SEMA4F: variants seen among roughly 807,000 people sequenced by gnomAD.
The protein encoded by SEMA4F is semaphorin-4F.
A neutral mutation model predicts 78.4 loss-of-function variants in SEMA4F; 51 were observed. The ratio of observed to expected loss-of-function variants is 0.65; its 90% CI spans 0.52 to 0.82. The LOEUF is 0.82. Among genes scored for constraint, SEMA4F ranks in the 40% least tolerant of loss-of-function variants. The pLI, the probability that SEMA4F is intolerant of heterozygous loss-of-function variation, is 0.00. For synonymous variants in SEMA4F, 418 were observed against 408.7 expected, an observed-to-expected ratio of 1.02 and a Z score of -0.27; for missense variants, 938 against 1,014.4, an observed-to-expected ratio of 0.92 and a Z score of 1.02.
At chr2:74,662,372 A>G (rs1684472796) in intron 4 of SEMA4F, among the ~76,000 whole-genome samples, 1 of 152,238 alleles carries the variant, frequency 6.6e-6, no homozygotes, top group African/African-American at 2.4e-5. Context: ...CATATTCTCC[A>G]GCCAGTTACA....
chr2:74,699,693 A>G, the SEMA4F span, among the ~76,000 whole-genome samples: 1 of 152,194 alleles, frequency 6.6e-6, no homozygotes, highest in East Asian at 1.9e-4. Context: ...GGAGCATACA[A>G]GAGACATGGA....
At chr2:74,679,396 G>A (rs1016108941) in intron 13 of SEMA4F, 62 bp downstream of exon 13, 1 of 1,511,528 alleles carries the variant, frequency 6.6e-7, no homozygotes, top group East Asian at 2.3e-5. Context: ...GGGCTAGAGA[G>A]TTGTTCATTT....
At position 74,674,542 on chromosome 2, in the gene SEMA4F, G is replaced by A. The variant is rs183059394; in HGVS notation, c.867G>A (p.Thr289=). The A allele has an allele frequency of 7.0e-5, 113 of 1,614,074 alleles. No individual in the cohort carries two copies. The highest frequency in any genetic ancestry group is 3.0e-4 in the Admixed American group (18 of 60,010). ...AGACCCTCCAGCAGAGATGGACGACGTTTTTGAAAGCTGACCTGCTCTGTC... is the reference window on the plus strand; with the variant it reads ...AGACCCTCCAGCAGAGATGGACGACATTTTTGAAAGCTGACCTGCTCTGTC... ...GRKTLQQRWT[T]FLKADLLCPG... The change falls in exon 8 of 14, where the codon ACG becomes ACA. Residue 289 remains threonine (T), a synonymous_variant. Transcript: ENST00000357877.
downstream of SEMA4F, among the ~76,000 whole-genome samples, chr2:74,685,921 A>G (rs1044516413): frequency 6.6e-6 from 1 of 152,194 alleles, no homozygotes; most frequent in Non-Finnish European, 1.5e-5. Flanking sequence ...ACCCTTCTCA[A>G]AAGAAGACAT....
rs1472174955 is a variant in SEMA4F, at chr2:74,679,975, G to A, written c.2079G>A (p.Leu693=). The A allele has an allele frequency of 6.2e-7, 1 of 1,614,094 alleles. No homozygotes were observed. The highest frequency in any genetic ancestry group is 8.5e-7 in the Non-Finnish European group (1 of 1,180,052). The change falls in exon 14 of 14, where the codon CTG becomes CTA. Residue 693 remains leucine, a synonymous_variant. Transcript: ENST00000357877. ...RQQRRRQREL[L]ARDKVGLDLG... is the part of the protein sequence containing the mutation. ...AGCGACGGCGACAGAGGGAACTTCT[G>A]GCTAGAGACAAGGTGGGCCTGGACC...
At chr2:74,654,544 C>CTG in intron 1 of SEMA4F, 23 bp downstream of exon 1, 1 of 1,526,780 alleles carries the variant, frequency 6.5e-7, no homozygotes, top group South Asian at 1.2e-5. Flanking sequence ...CGCCCACGCC[C>CTG]TCAGCCCTTC....
intron 5 of SEMA4F, among the ~76,000 whole-genome samples, chr2:74,666,890 G>A (rs910080870): frequency 1.3e-5 from 2 of 152,146 alleles, no homozygotes; most frequent in Non-Finnish European, 2.9e-5. Context: ...ATTACAATGT[G>A]CATTGTAGAA....
At chr2:74,662,363 A>G (rs1017861356) in intron 4 of SEMA4F, among the ~76,000 whole-genome samples, 1 of 152,124 alleles carries the variant, frequency 6.6e-6, no homozygotes, top group African/African-American at 2.4e-5. Flanking sequence ...GTCATGTAGC[A>G]TATTCTCCAG....
At chr2:74,686,496 A>G (rs1175487009), downstream of SEMA4F, among the ~76,000 whole-genome samples, 2 of 152,224 alleles carry the variant, frequency 1.3e-5, no homozygotes, top group African/African-American at 2.4e-5. Context: ...TAGAATTAGA[A>G]GTACCATTTG....
the SEMA4F span, among the ~76,000 whole-genome samples, chr2:74,697,154 G>T: frequency 6.6e-6 from 1 of 152,216 alleles, no homozygotes; most frequent in African/African-American, 2.4e-5. Context: ...GTTAGCCCTT[G>T]CTGGAGATCT....
rs931233902 is a variant in SEMA4F at position 74,682,948 on chromosome 2, C to T, written c.*2739C>T. The T allele has an allele frequency of 8.5e-5, 13 of 152,354 alleles. No homozygotes were observed. The highest frequency in any genetic ancestry group is 1.3e-4 in the Non-Finnish European group (9 of 68,172). 9.4% of individuals were successfully genotyped at this position (152,354 alleles called of 1,614,324 possible). The stretch of plus-strand genomic sequence containing the variant: ...TCTGCCTACCCTGCCTCAGTCATTC[C>T]TTCCAATGGAAACCACAATAAGCAC... On this transcript the variant is annotated 3_prime_UTR_variant, in exon 14 of 14. Coordinates refer to ENST00000357877, the MANE Select transcript of SEMA4F (RefSeq NM_004263.5).
At chr2:74,679,386 G>A (rs757382844) in intron 13 of SEMA4F, 52 bp downstream of exon 13, 12 of 1,520,578 alleles carry the variant, frequency 7.9e-6, no homozygotes, top group Non-Finnish European at 1.1e-5. Context: ...GGATGGAAAG[G>A]GGCTAGAGAG....
chr2:74,679,515 T>C, intron 13 of SEMA4F, 84 bp from the exon 14 acceptor site: 12 of 1,537,444 alleles, frequency 7.8e-6, no homozygotes, highest in Non-Finnish European at 1.1e-5. Context: ...CCCCTTTTCA[T>C]GTCCGACATC....
downstream of SEMA4F, among the ~76,000 whole-genome samples, chr2:74,688,101 G>T (rs1685856926): frequency 6.6e-6 from 1 of 152,188 alleles, no homozygotes; most frequent in South Asian, 2.1e-4. Flanking sequence ...TGAAACTGAG[G>T]CTCGAAGGAG....
At chr2:74,676,780 C>T (rs180842491) in intron 12 of SEMA4F, among the ~76,000 whole-genome samples, 1 of 152,282 alleles carries the variant, frequency 6.6e-6, no homozygotes, top group Non-Finnish European at 1.5e-5. Flanking sequence ...TGGGCTCCTA[C>T]CATCCATTTT....
the SEMA4F span, among the ~76,000 whole-genome samples, chr2:74,704,615 A>C: frequency 6.6e-6 from 1 of 152,028 alleles, no homozygotes; most frequent in Admixed American, 6.6e-5. Context: ...AGATGAGGAA[A>C]AGTAATTATT....
At chr2:74,662,680 C>T in intron 4 of SEMA4F, 52 bp from the exon 5 acceptor site, 1 of 1,451,172 alleles carries the variant, frequency 6.9e-7, no homozygotes, top group Non-Finnish European at 9.7e-7. Context: ...GTAATTCTCA[C>T]CATGAACCTT....
rs1385602856 is a variant in SEMA4F at position 74,683,491 on chromosome 2, G to A, written c.*3282G>A. On this transcript the variant is annotated 3_prime_UTR_variant, in exon 14 of 14. Transcript: ENST00000357877. Reference sequence around the variant, plus strand: ...TTTCTTTTGAGTGATGTAGACCTATGCCCTGCTTCCATGCCACTTCCTCAG... The same window carrying A: ...TTTCTTTTGAGTGATGTAGACCTATACCCTGCTTCCATGCCACTTCCTCAG... 6.6e-6 allele frequency: 1 copy of A among 152,234 alleles called. No individual in the cohort carries two copies. Among genetic ancestry groups the A allele is most frequent in the African/African-American group, 2.4e-5 (1 of 41,434 alleles). The allele number at this position is 152,234 out of a possible 1,614,324, so 9.4% of individuals were successfully genotyped here. A position where few individuals can be genotyped will look rare whatever the true frequency, so the allele number is the denominator to read the frequency against.
At chr2:74,673,034 A>G (rs1199581544) in intron 5 of SEMA4F, among the ~76,000 whole-genome samples, 2 of 152,210 alleles carry the variant, frequency 1.3e-5, no homozygotes, top group African/African-American at 4.8e-5. Context: ...CAGAAAGAAC[A>G]TTCATTCCCT....
Sources: allele counts gnomAD v4.1 joint callset (sites outside exome capture counted in the v4.1 genomes callset), GRCh38; gene constraint gnomAD v4.1.1; transcripts MANE v1.5; gene names NCBI Gene and HGNC (gene_info 2026-07-23, HGNC 2026-07-21).